The following PTN variants were observed in gnomAD, a reference collection of about 807,000 sequenced individuals.
The protein encoded by PTN is heparin affin regulatory protein.
Under a neutral mutation model 24.1 loss-of-function variants are expected in PTN, and 18 were observed. The observed-to-expected ratio is 0.75, with a 90% CI of 0.52 to 1.11. PTN has a LOEUF of 1.11. Among genes scored for constraint, PTN ranks in the 50% least tolerant of loss-of-function variants. The pLI, the probability that PTN is intolerant of heterozygous loss-of-function variation, is 0.00. For synonymous variants in PTN, 78 were observed against 68.6 expected (o/e 1.14, Z -0.67); for missense variants, 163 against 198.8 (o/e 0.82, Z 1.08).
At chr7:137,277,648 C>T (rs1809383071) in intron 1 of PTN, among the ~76,000 whole-genome samples, 1 of 152,164 alleles carries the variant, frequency 6.6e-6, no homozygotes, top group Non-Finnish European at 1.5e-5. Flanking sequence ...TGGCTCACTG[C>T]AGCCTTAACC....
chr7:137,334,136 G>C (rs1447928965), intron 1 of PTN, among the ~76,000 whole-genome samples: 1 of 151,550 alleles, frequency 6.6e-6, no homozygotes, highest in Non-Finnish European at 1.5e-5. Context: ...GCATGGGCAA[G>C]GACTTCATGT....
intron 1 of PTN, among the ~76,000 whole-genome samples, chr7:137,262,240 T>A (rs545052366): frequency 6.6e-6 from 1 of 152,296 alleles, no homozygotes; most frequent in Non-Finnish European, 1.5e-5. Flanking sequence ...TTTCAATATT[T>A]GTCATTTTAT....
chr7:137,317,672 G>A (rs1435863257), intron 1 of PTN, among the ~76,000 whole-genome samples: 1 of 152,102 alleles, frequency 6.6e-6, no homozygotes, highest in Non-Finnish European at 1.5e-5. Context: ...GGGCCTTCTG[G>A]AAAGAATCCT....
At chr7:137,306,475 T>C (rs932467565) in intron 1 of PTN, among the ~76,000 whole-genome samples, 9 of 152,014 alleles carry the variant, frequency 5.9e-5, no homozygotes, top group Non-Finnish European at 8.8e-5. Flanking sequence ...AGGCTAATTA[T>C]ATAAATCAAA....
intron 1 of PTN, 56 bp from the exon 2 acceptor site, chr7:137,255,030 G>T (rs758472692): frequency 3.2e-6 from 4 of 1,266,386 alleles, no homozygotes; most frequent in Admixed American, 4.1e-5. Context: ...CAGAAAGGAA[G>T]ATTCATTGAA....
In PTN at chr7:137,336,639, G is replaced by A. The variant is rs377242562; in HGVS notation, c.-2+6800C>T. ...AGGAAGAAAATGGTATGAGCATGTG[G>A]AGGGGCGAGGCCTTTCAAGAAGCAT... is the stretch of plus-strand genomic sequence containing the variant. On this transcript the variant is annotated intron_variant, in intron 1 of 4. Transcript: ENST00000348225. Among the ~76,000 whole-genome samples, 17 of 152,272 alleles carry A rather than the reference G, an allele frequency of 1.1e-4. No homozygotes were observed. The East Asian group carries it at 3.1e-3, about 28-fold the overall frequency.
chr7:137,292,369 G>A (rs989207893), intron 1 of PTN, among the ~76,000 whole-genome samples: 1 of 152,154 alleles, frequency 6.6e-6, no homozygotes, highest in African/African-American at 2.4e-5. Context: ...GGGACCTGGT[G>A]GGAGGTAAGT....
rs547832235 is a variant in PTN, at chr7:137,263,401, T to G, written c.-1-8427A>C. Among the ~76,000 whole-genome samples the G allele has an allele frequency of 2.0e-5, 3 of 152,330 alleles. No individual in the cohort carries two copies. The East Asian group carries it at 5.8e-4, about 29-fold the overall frequency. ...CAGTAACTAGTAAGGTTAAATTTCT[T>G]ATAGACCTCTCTTTCAGCTGCTAGC... is the stretch of plus-strand genomic sequence containing the variant. On this transcript the variant is annotated intron_variant, in intron 1 of 4. Coordinates refer to ENST00000348225, the MANE Select transcript of PTN (RefSeq NM_002825.7).
chr7:137,303,617 A>C (rs999783633), intron 1 of PTN, among the ~76,000 whole-genome samples: 3 of 152,040 alleles, frequency 2.0e-5, no homozygotes, highest in African/African-American at 7.2e-5. Flanking sequence ...AATAAAATGG[A>C]AAAGTAACCC....
chr7:137,296,976 A>C (rs987247547), intron 1 of PTN, among the ~76,000 whole-genome samples: 2 of 152,088 alleles, frequency 1.3e-5, no homozygotes, highest in African/African-American at 4.8e-5. Context: ...AATGCACAAA[A>C]GATTCAAAAA....
chr7:137,243,842 C>G (rs961437647), intron 4 of PTN, among the ~76,000 whole-genome samples: 6 of 152,092 alleles, frequency 3.9e-5, no homozygotes, highest in Non-Finnish European at 8.8e-5. Flanking sequence ...ACAGTAATTG[C>G]AGCAGAAAGG....
intron 1 of PTN, chr7:137,325,502 A>C (rs1280128198): frequency 6.5e-6 from 1 of 153,038 alleles, no homozygotes; most frequent in Non-Finnish European, 1.5e-5. Context: ...AGCAAGAAGC[A>C]ACATCACCAT....
At chr7:137,251,201 A>G (rs750182342) in intron 4 of PTN, 29 bp downstream of exon 4, 1 of 1,609,056 alleles carries the variant, frequency 6.2e-7, no homozygotes, top group African/African-American at 1.3e-5. Flanking sequence ...TCAATCCATT[A>G]AAATTGTGGT....
In PTN at chr7:137,248,601, A is replaced by C. The variant is rs536298602; in HGVS notation, c.451+2629T>G. 2.6e-5 allele frequency among the ~76,000 whole-genome samples: 4 copies of C among 152,206 alleles called. No homozygotes were observed. The East Asian group carries it at 7.7e-4, about 29-fold the overall frequency. ...AGGCTGAGGCAGGAGAATCACTTGA[A>C]CCCAGGAGGCGGAGTTTGCAGTGGG... On this transcript the variant is annotated intron_variant, in intron 4 of 4. Coordinates refer to ENST00000348225, the MANE Select transcript of PTN (RefSeq NM_002825.7).
intron 1 of PTN, among the ~76,000 whole-genome samples, chr7:137,292,106 T>C (rs1809646945): frequency 1.3e-5 from 2 of 152,278 alleles, no homozygotes; most frequent in Middle Eastern, 3.4e-3. Context: ...TGCCACTTTA[T>C]GTTCATTGCC....
intron 1 of PTN, among the ~76,000 whole-genome samples, chr7:137,308,612 T>A (rs1443524304): frequency 6.6e-6 from 1 of 152,110 alleles, no homozygotes; most frequent in East Asian, 1.9e-4. Context: ...GGTAGGGTGA[T>A]CTGGTAATAA....
In PTN at chr7:137,230,753, A is replaced by G. The variant is rs528078941; in HGVS notation, c.452-2678T>C. 5.9e-5 allele frequency among the ~76,000 whole-genome samples: 9 copies of G among 152,018 alleles called. No homozygotes were observed. In the East Asian group the frequency reaches 1.8e-3, roughly 30 times the overall value. On this transcript the variant is annotated intron_variant, in intron 4 of 4. Transcript: ENST00000348225. ...TTTACCTAGTATACATGATGGGTTT[A>G]AAATAGTATCACAAAATCTATGACC...
chr7:137,330,687 C>G (rs939070694), intron 1 of PTN, among the ~76,000 whole-genome samples: 1 of 152,162 alleles, frequency 6.6e-6, no homozygotes. Flanking sequence ...TCCTCAGGCC[C>G]TGTTTTGGGA....
intron 1 of PTN, among the ~76,000 whole-genome samples, chr7:137,339,359 G>T (rs1418900960): frequency 1.3e-5 from 2 of 151,842 alleles, no homozygotes; most frequent in African/African-American, 4.8e-5. Flanking sequence ...GTAGTATTAG[G>T]CATCCAACAT....
Sources: allele counts gnomAD v4.1 joint callset (sites outside exome capture counted in the v4.1 genomes callset), GRCh38; gene constraint gnomAD v4.1.1; transcripts MANE v1.5; gene names NCBI Gene and HGNC (gene_info 2026-07-23, HGNC 2026-07-21).